SPAG17: variants seen among roughly 807,000 people sequenced by gnomAD.
SPAG17 encodes the protein sperm-associated antigen 17.
A neutral mutation model predicts 273.6 loss-of-function variants in SPAG17; 169 were observed. The ratio of observed to expected loss-of-function variants is 0.62; its 90% CI spans 0.55 to 0.70. The LOEUF is 0.70. SPAG17 is among the 30% of genes least tolerant of loss of function. The pLI is 0.00. For missense variants in SPAG17, 2,557 were observed against 2,627.8 expected (o/e 0.97, Z 0.59); for synonymous variants, 825 against 873.2 (o/e 0.94, Z 0.97).
At chr1:118,167,762 T>C (rs1197625384) in intron 1 of SPAG17, among the ~76,000 whole-genome samples, 1 of 152,112 alleles carries the variant, frequency 6.6e-6, no homozygotes, top group Non-Finnish European at 1.5e-5. Context: ...CCCACCCAAA[T>C]CTCATGCTCA....
intron 30 of SPAG17, among the ~76,000 whole-genome samples, chr1:118,009,164 T>C (rs12408332): frequency 0.37 from 55,850 of 151,530 alleles, 11,462 homozygotes; most frequent in Non-Finnish European, 0.46. Flanking sequence ...AGTATAAGAA[T>C]GTAATGTATA....
rs145132341 is a variant in SPAG17, at chr1:117,970,267, A to T, written c.6327-151T>A. The T allele has an allele frequency of 7.6e-6, 5 of 660,918 alleles. No individual in the cohort carries two copies. In the Admixed American group the frequency reaches 1.3e-4, roughly 18 times the overall value. The allele number at this position is 660,918 out of a possible 1,614,324, so 40.9% of individuals were successfully genotyped here. A position where few individuals can be genotyped will look rare whatever the true frequency, so the allele number is the denominator to read the frequency against. ...ATTAGAAAAACAACTTTAATATTCA[A>T]TTGGGAGAAGAATCTGGGGCCCATT... On this transcript the variant is annotated intron_variant, in intron 45 of 48. Coordinates refer to ENST00000336338, the MANE Select transcript of SPAG17 (RefSeq NM_206996.4).
At chr1:117,966,543 A>G (rs1571081962) in intron 47 of SPAG17, 66 bp downstream of exon 47, 1 of 1,378,434 alleles carries the variant, frequency 7.3e-7, no homozygotes, top group Non-Finnish European at 9.6e-7. Flanking sequence ...TTTGACTTCC[A>G]TGTTTTCCTC....
intron 26 of SPAG17, among the ~76,000 whole-genome samples, chr1:118,027,880 C>T (rs1322057357): frequency 6.6e-6 from 1 of 152,140 alleles, no homozygotes; most frequent in Non-Finnish European, 1.5e-5. Context: ...CAGCAACATG[C>T]TGCACCCATG....
chr1:117,968,973 C>G (rs374200973), intron 46 of SPAG17, among the ~76,000 whole-genome samples: 3 of 152,282 alleles, frequency 2.0e-5, no homozygotes, highest in East Asian at 3.9e-4. Flanking sequence ...CCTCTGCGCC[C>G]TGACCACTTT....
chr1:118,116,650 G>T (rs559763650), intron 3 of SPAG17, among the ~76,000 whole-genome samples: 1 of 152,236 alleles, frequency 6.6e-6, no homozygotes, highest in Admixed American at 6.5e-5. Flanking sequence ...ACTGCAGAAG[G>T]CTCTATGGAT....
intron 32 of SPAG17, among the ~76,000 whole-genome samples, chr1:117,998,229 G>GT (rs1657877744): frequency 6.6e-6 from 1 of 152,118 alleles, no homozygotes; most frequent in South Asian, 2.1e-4. Context: ...GACAATTGTT[G>GT]TATATGGTGT....
chr1:118,031,160 G>A (rs1004958801), intron 25 of SPAG17, among the ~76,000 whole-genome samples: 1 of 146,408 alleles, frequency 6.8e-6, no homozygotes, highest in African/African-American at 2.5e-5. Flanking sequence ...AGGGCTAGGG[G>A]TAATAGGAGG....
In SPAG17 at chr1:118,008,278, T is replaced by C. The variant is rs1254222729; in HGVS notation, c.4433-80A>G. On this transcript the variant is annotated intron_variant, in intron 30 of 48. Coordinates refer to ENST00000336338, the MANE Select transcript of SPAG17 (RefSeq NM_206996.4). ...GACCTCAGCCTATTGATTTTGCTGCTGTTTCCTGGCTGTCTGGATTCCCCA... is the reference window on the plus strand; with the variant it reads ...GACCTCAGCCTATTGATTTTGCTGCCGTTTCCTGGCTGTCTGGATTCCCCA... 2.0e-6 allele frequency: 3 copies of C among 1,510,700 alleles called. No homozygotes were observed. The African/African-American group carries it at 4.1e-5, about 21-fold the overall frequency. The allele number at this position is 1,510,700 out of a possible 1,614,324, so 93.6% of individuals were successfully genotyped here.
intron 1 of SPAG17, among the ~76,000 whole-genome samples, chr1:118,173,668 T>C (rs561788457): frequency 3.6e-4 from 55 of 152,232 alleles, no homozygotes; most frequent in African/African-American, 1.2e-3. Flanking sequence ...GGGAGAACTT[T>C]GTTTTTATTA....
intron 47 of SPAG17, 116 bp downstream of exon 47, chr1:117,966,493 C>T (rs1416757526): frequency 9.4e-7 from 1 of 1,061,286 alleles, no homozygotes; most frequent in Non-Finnish European, 1.3e-6. Context: ...ATAAATTTAA[C>T]TCTGATTTTG....
intron 4 of SPAG17, among the ~76,000 whole-genome samples, chr1:118,112,498 C>T (rs1656827648): frequency 6.6e-6 from 1 of 151,896 alleles, no homozygotes; most frequent in Admixed American, 6.6e-5. Flanking sequence ...AAACAAAACA[C>T]TTTAAGTTTT....
At chr1:118,138,332 T>C (rs1658478080) in intron 3 of SPAG17, among the ~76,000 whole-genome samples, 1 of 152,094 alleles carries the variant, frequency 6.6e-6, no homozygotes, top group Non-Finnish European at 1.5e-5. Context: ...CAGCAGATAA[T>C]AGAAACCCAG....
At chr1:118,118,123 G>A (rs1435804928) in intron 3 of SPAG17, among the ~76,000 whole-genome samples, 1 of 152,186 alleles carries the variant, frequency 6.6e-6, no homozygotes. Flanking sequence ...CTGTTTGAAG[G>A]ACAAGTTTTT....
intron 28 of SPAG17, among the ~76,000 whole-genome samples, chr1:118,019,949 C>T (rs1238026800): frequency 3.3e-5 from 5 of 152,174 alleles, no homozygotes; most frequent in Non-Finnish European, 5.9e-5. Flanking sequence ...TAAAGACAAA[C>T]GTTTTCAAAT....
chr1:118,110,130 T>C (rs978747107), intron 4 of SPAG17, among the ~76,000 whole-genome samples: 1 of 152,204 alleles, frequency 6.6e-6, no homozygotes, highest in Non-Finnish European at 1.5e-5. Flanking sequence ...GAGACTTCTA[T>C]ACTGCAAAGT....
At chr1:118,087,094 A>G in intron 10 of SPAG17, 86 bp from the exon 11 acceptor site, 1 of 1,414,166 alleles carries the variant, frequency 7.1e-7, no homozygotes, top group South Asian at 1.6e-5. Context: ...CCCACTGCTT[A>G]GTAAGAACCA....
At chr1:118,074,729 TGTTTTG>T in intron 15 of SPAG17, 129 bp from the exon 16 acceptor site, 4 of 785,760 alleles carry the variant, frequency 5.1e-6, no homozygotes, top group Non-Finnish European at 8.4e-6. Context: ...CTGAAAGGCA[TGTTTTG>T]TGCCTCCAGA....
intron 32 of SPAG17, among the ~76,000 whole-genome samples, chr1:118,003,464 A>G (rs554568860): frequency 3.7e-4 from 57 of 152,344 alleles, no homozygotes; most frequent in African/African-American, 1.3e-3. Context: ...TCCATCAGTC[A>G]AACATAGATT....
Sources: gnomAD v4.1 joint callset for allele counts (sites outside exome capture counted in the v4.1 genomes callset) on GRCh38, gnomAD v4.1.1 for gene constraint, MANE v1.5 for transcripts, NCBI Gene and HGNC (gene_info 2026-07-23, HGNC 2026-07-21) for gene names.